KANSL1: variants seen among roughly 807,000 people sequenced by gnomAD.
The protein encoded by KANSL1 is KAT8 regulatory NSL complex subunit 1.
A neutral mutation model predicts 103.6 loss-of-function variants in KANSL1; 22 were observed. That is an observed-to-expected ratio of 0.21 (90% CI 0.15 to 0.30). The LOEUF is 0.30. KANSL1 is among the 10% of genes least tolerant of loss of function. The pLI is 1.00. For synonymous variants in KANSL1, 600 were observed against 527.6 expected, an observed-to-expected ratio of 1.14 and a Z score of -1.88; for missense variants, 1,337 against 1,399.8, an observed-to-expected ratio of 0.96 and a Z score of 0.72.
chr17:46,214,233 CAA>C (rs1046503422), intron 1 of KANSL1, among the ~76,000 whole-genome samples: 1 of 152,202 alleles, frequency 6.6e-6, no homozygotes, highest in Non-Finnish European at 1.5e-5. Context: ...CCAATAGATC[CAA>C]AGAGTAAGGC....
chr17:46,107,780 T>G (rs965502296), intron 2 of KANSL1, among the ~76,000 whole-genome samples: 1 of 152,186 alleles, frequency 6.6e-6, no homozygotes, highest in Non-Finnish European at 1.5e-5. Flanking sequence ...AAGTTGATAC[T>G]TTCCCCTCCC....
chr17:46,142,465 T>A (rs1819040), intron 2 of KANSL1, among the ~76,000 whole-genome samples: 23,562 of 151,332 alleles, frequency 0.16, 2,261 homozygotes, highest in Middle Eastern at 0.24. Context: ...GAAAAAAAAA[T>A]TTTTTAATAA....
intron 2 of KANSL1, among the ~76,000 whole-genome samples, chr17:46,096,311 CTT>C (rs71138525): frequency 4.3e-4 from 33 of 76,408 alleles, no homozygotes; most frequent in East Asian, 3.4e-3. Flanking sequence ...GCTTTTTTTT[CTT>C]TTTTTTTTTT....
intron 4 of KANSL1, among the ~76,000 whole-genome samples, chr17:46,069,205 CGT>C (rs1163451433): frequency 1.3e-5 from 2 of 152,054 alleles, no homozygotes; most frequent in Non-Finnish European, 2.9e-5. Context: ...GGATTATAGG[CGT>C]GTGAGCCACC....
At chr17:46,185,692 TACACACAC>T (rs58833932) in intron 1 of KANSL1, among the ~76,000 whole-genome samples, 17,664 of 144,570 alleles carry the variant, frequency 0.12, 83 homozygotes, top group Middle Eastern at 0.19. Context: ...CACACATATA[TACACACAC>T]ACACACACAC....
At chr17:46,183,816 G>A (rs1350894083) in intron 1 of KANSL1, among the ~76,000 whole-genome samples, 2 of 151,948 alleles carry the variant, frequency 1.3e-5, no homozygotes, top group Non-Finnish European at 2.9e-5. Context: ...AGAAGGCTGA[G>A]GTACAAGAAT....
intron 2 of KANSL1, among the ~76,000 whole-genome samples, chr17:46,132,808 T>A (rs2043930560): frequency 6.6e-6 from 1 of 152,158 alleles, no homozygotes; most frequent in Non-Finnish European, 1.5e-5. Flanking sequence ...CTAGGCATGG[T>A]GGCATGTGCC....
intron 2 of KANSL1, among the ~76,000 whole-genome samples, chr17:46,134,520 G>A (rs565271904): frequency 2.1e-3 from 322 of 152,024 alleles, no homozygotes; most frequent in Non-Finnish European, 3.3e-3. Context: ...TATAAATTAC[G>A]AACTATTGTT....
chr17:46,076,823 G>C (rs919694007), intron 4 of KANSL1, among the ~76,000 whole-genome samples: 3 of 151,846 alleles, frequency 2.0e-5, no homozygotes, highest in Non-Finnish European at 4.4e-5. Flanking sequence ...TGTTTCTCCG[G>C]GTTATTTTTC....
chr17:46,047,508 C>T (rs1004176411), intron 7 of KANSL1, among the ~76,000 whole-genome samples: 5 of 152,108 alleles, frequency 3.3e-5, no homozygotes, highest in African/African-American at 7.2e-5. Flanking sequence ...AAGTTCAGGC[C>T]GGGCGTGGTG....
At chr17:46,087,352 G>A (rs1358140317) in intron 3 of KANSL1, among the ~76,000 whole-genome samples, 1 of 152,066 alleles carries the variant, frequency 6.6e-6, no homozygotes, top group African/African-American at 2.4e-5. Context: ...CCAAACACTG[G>A]ATCCTCTAAT....
chr17:46,043,980 C>T (rs540772941), intron 7 of KANSL1: 1 of 148,706 alleles, frequency 6.7e-6, no homozygotes, highest in South Asian at 2.1e-4. Context: ...CAGTTAGATC[C>T]CCCAGTCAGT....
chr17:46,190,352 G>A (rs569241404), intron 1 of KANSL1, among the ~76,000 whole-genome samples: 1 of 152,354 alleles, frequency 6.6e-6, no homozygotes, highest in South Asian at 2.1e-4. Flanking sequence ...TTTAACCAGA[G>A]AAATAACATG....
chr17:46,114,060 A>T (rs769430004), intron 2 of KANSL1, among the ~76,000 whole-genome samples: 1 of 152,282 alleles, frequency 6.6e-6, no homozygotes, highest in Non-Finnish European at 1.5e-5. Flanking sequence ...AAGCAAACTG[A>T]TAAGAAAAAG....
intron 4 of KANSL1, among the ~76,000 whole-genome samples, chr17:46,072,319 C>A (rs1271841694): frequency 6.6e-6 from 1 of 152,070 alleles, no homozygotes; most frequent in Non-Finnish European, 1.5e-5. Context: ...TTACTTTATT[C>A]AATTAATGCC....
At chr17:46,033,557 T>C (rs1195984774) in intron 11 of KANSL1, 97 bp from the exon 12 acceptor site, 12 of 938,174 alleles carry the variant, frequency 1.3e-5, no homozygotes, top group Non-Finnish European at 2.1e-5. Context: ...CCTGCACCTG[T>C]GGGTGACACT....
intron 1 of KANSL1, among the ~76,000 whole-genome samples, chr17:46,187,996 A>T (rs922037926): frequency 2.0e-5 from 3 of 152,242 alleles, no homozygotes; most frequent in South Asian, 2.1e-4. Flanking sequence ...CTCTTTTTGG[A>T]GTCCAAGTAT....
intron 2 of KANSL1, among the ~76,000 whole-genome samples, chr17:46,102,055 G>A (rs2042344787): frequency 6.6e-6 from 1 of 152,172 alleles, no homozygotes; most frequent in Non-Finnish European, 1.5e-5. Context: ...AAAAGATGGA[G>A]GGGATAAAGC....
intron 1 of KANSL1, among the ~76,000 whole-genome samples, chr17:46,183,478 C>G (rs368396252): frequency 6.6e-6 from 1 of 151,828 alleles, no homozygotes; most frequent in East Asian, 1.9e-4. Flanking sequence ...GGGTGGAGGT[C>G]GCAGTGAGCT....
Sources: allele counts gnomAD v4.1 joint callset (sites outside exome capture counted in the v4.1 genomes callset), GRCh38; gene constraint gnomAD v4.1.1; transcripts MANE v1.5; gene names NCBI Gene and HGNC (gene_info 2026-07-23, HGNC 2026-07-21).